CLIC5: variants seen among roughly 807,000 people sequenced by gnomAD.
The protein encoded by CLIC5 is CLIC family member 5.
CLIC5 carries 20 observed loss-of-function variants against 24.7 expected under a neutral mutation model. The observed-to-expected ratio is 0.81, with a 90% CI of 0.57 to 1.18. The LOEUF (loss-of-function observed/expected upper bound fraction) is 1.18, where lower values mean the gene tolerates loss of function less well. Among genes scored for constraint, CLIC5 ranks in the 50% most tolerant of loss-of-function variants. The probability of loss-of-function intolerance (pLI) is 0.00; values close to 1 mark genes in which losing one functional copy is unlikely to be tolerated. For synonymous variants in CLIC5, 159 were observed against 135.6 expected, an observed-to-expected ratio of 1.17 and a Z score of -1.20; for missense variants, 341 against 326.1, an observed-to-expected ratio of 1.05 and a Z score of -0.35.
rs569884822 is a variant in CLIC5, at chr6:45,955,964, G to A, written c.64-720C>T. The stretch of plus-strand genomic sequence containing the variant: ...AAGACACTGGAGAAAATTAGCCAGG[G>A]GATTGAAAATTGAATTCCTCCAAGG... On this transcript the variant is annotated intron_variant, in intron 1 of 5. Transcript: ENST00000339561. Among the ~76,000 whole-genome samples the A allele has an allele frequency of 7.2e-5, 11 of 152,216 alleles. 1 individual carries two copies. In the South Asian group the frequency reaches 2.3e-3, roughly 32 times the overall value.
chr6:46,035,004 A>G (rs1050530756), intron 1 of CLIC5, among the ~76,000 whole-genome samples: 4 of 152,228 alleles, frequency 2.6e-5, no homozygotes, highest in Non-Finnish European at 5.9e-5. Context: ...TGTCCTCAGC[A>G]TTAAATGGCA....
the CLIC5 span, among the ~76,000 whole-genome samples, chr6:46,119,638 C>T: frequency 6.6e-5 from 10 of 152,360 alleles, no homozygotes; most frequent in African/African-American, 9.6e-5. Flanking sequence ...GGCGAGGCAT[C>T]GCCTCATCAG....
chr6:46,060,102 A>G (rs947531458), intron 1 of CLIC5, among the ~76,000 whole-genome samples: 14 of 152,222 alleles, frequency 9.2e-5, no homozygotes, highest in Non-Finnish European at 1.2e-4. Context: ...CACTGATACT[A>G]CAGAGACATC....
intron 4 of CLIC5, among the ~76,000 whole-genome samples, chr6:45,933,712 A>T (rs551216842): frequency 9.2e-5 from 14 of 152,362 alleles, no homozygotes; most frequent in Admixed American, 7.2e-4. Context: ...ATGAAAATAG[A>T]TAAGCCCAGA....
intron 1 of CLIC5, among the ~76,000 whole-genome samples, chr6:46,055,489 C>T (rs1352524172): frequency 1.3e-5 from 2 of 152,184 alleles, no homozygotes; most frequent in Non-Finnish European, 2.9e-5. Context: ...CTGCCCGCCT[C>T]GGCCTCCCAA....
intron 4 of CLIC5, among the ~76,000 whole-genome samples, chr6:45,922,311 C>T (rs1763295951): frequency 6.6e-6 from 1 of 152,202 alleles, no homozygotes; most frequent in Admixed American, 6.5e-5. Context: ...TGCCCACCCT[C>T]CTCTGTGGTG....
chr6:46,053,193 C>G (rs1185953451), intron 1 of CLIC5, among the ~76,000 whole-genome samples: 1 of 152,040 alleles, frequency 6.6e-6, no homozygotes, highest in Admixed American at 6.6e-5. Flanking sequence ...AGGGCAGGGC[C>G]TGATACACAT....
intron 1 of CLIC5, among the ~76,000 whole-genome samples, chr6:45,981,001 C>A (rs1005162820): frequency 2.0e-5 from 3 of 152,166 alleles, no homozygotes; most frequent in Non-Finnish European, 4.4e-5. Flanking sequence ...GACAAGATCT[C>A]TCTCTGTAGC....
At chr6:45,906,263 A>G (rs1049642986) in intron 5 of CLIC5, among the ~76,000 whole-genome samples, 4 of 152,166 alleles carry the variant, frequency 2.6e-5, no homozygotes, top group African/African-American at 7.2e-5. Flanking sequence ...ACATTGGTAG[A>G]TTGATAGGAA....
chr6:46,094,926 A>T, the CLIC5 span, among the ~76,000 whole-genome samples: 1 of 152,350 alleles, frequency 6.6e-6, no homozygotes, highest in East Asian at 1.9e-4. Flanking sequence ...TTCTGCCTGC[A>T]CATTCACACT....
intron 4 of CLIC5, 60 bp downstream of exon 4, chr6:45,941,487 G>A (rs1764128062): frequency 7.8e-7 from 1 of 1,289,142 alleles, no homozygotes; most frequent in African/African-American, 1.5e-5. Context: ...GCAAATTGAA[G>A]ATGCCTTGGG....
At chr6:46,066,632 G>A (rs1762452007) in intron 1 of CLIC5, among the ~76,000 whole-genome samples, 1 of 152,120 alleles carries the variant, frequency 6.6e-6, no homozygotes, top group Non-Finnish European at 1.5e-5. Context: ...GTACATGGTT[G>A]AATAAGATGT....
chr6:46,128,843 T>G, the CLIC5 span, among the ~76,000 whole-genome samples: 2 of 152,134 alleles, frequency 1.3e-5, no homozygotes, highest in Non-Finnish European at 2.9e-5. Flanking sequence ...ACCTGAGACT[T>G]AAAACTGGAA....
intron 1 of CLIC5, among the ~76,000 whole-genome samples, chr6:46,062,799 C>T (rs148573897): frequency 6.6e-6 from 1 of 152,142 alleles, no homozygotes; most frequent in South Asian, 2.1e-4. Context: ...TGGAAGGTAG[C>T]TGGAGAATGG....
chr6:45,927,708 A>C (rs2127345110), intron 4 of CLIC5, among the ~76,000 whole-genome samples: 1 of 152,226 alleles, frequency 6.6e-6, no homozygotes, highest in African/African-American at 2.4e-5. Flanking sequence ...TAGAGACTCA[A>C]AGTGTTTTTT....
intron 6 of CLIC5, among the ~76,000 whole-genome samples, chr6:45,887,411 T>G (rs1288516581): frequency 1.3e-5 from 2 of 152,184 alleles, no homozygotes; most frequent in African/African-American, 4.8e-5. Flanking sequence ...CTGTCTTCCC[T>G]CTGTGTCTAC....
intron 2 of CLIC5, among the ~76,000 whole-genome samples, chr6:45,950,712 G>T (rs1561958110): frequency 6.6e-6 from 1 of 152,174 alleles, no homozygotes; most frequent in Admixed American, 6.5e-5. Flanking sequence ...TCAGTTAAAT[G>T]TGGGGAGAAC....
downstream of CLIC5, among the ~76,000 whole-genome samples, chr6:45,894,758 G>A (rs552474866): frequency 6.6e-6 from 1 of 152,192 alleles, no homozygotes; most frequent in Non-Finnish European, 1.5e-5. Context: ...GTCTTGAAAG[G>A]CAGAAAACGG....
intron 1 of CLIC5, among the ~76,000 whole-genome samples, chr6:46,055,428 G>A (rs1768220574): frequency 6.6e-6 from 1 of 152,064 alleles, no homozygotes; most frequent in Non-Finnish European, 1.5e-5. Context: ...AGTAGAGATG[G>A]GGTTTTGCCA....
Sources: gnomAD v4.1 joint callset for allele counts (sites outside exome capture counted in the v4.1 genomes callset) on GRCh38, gnomAD v4.1.1 for gene constraint, MANE v1.5 for transcripts, NCBI Gene and HGNC (gene_info 2026-07-23, HGNC 2026-07-21) for gene names.